ABCA8: variants seen among roughly 807,000 people sequenced by gnomAD.
The protein encoded by ABCA8 is ABC-type organic anion transporter ABCA8.
A neutral mutation model predicts 192.3 loss-of-function variants in ABCA8; 177 were observed. That is an observed-to-expected ratio of 0.92 (90% CI 0.81 to 1.04). The LOEUF is 1.04. Among genes scored for constraint, ABCA8 ranks in the 50% least tolerant of loss-of-function variants. The probability of loss-of-function intolerance (pLI) is 0.00; values close to 1 mark genes in which losing one functional copy is unlikely to be tolerated. For synonymous variants in ABCA8, 642 were observed against 690.2 expected (o/e 0.93, Z 1.09); for missense variants, 1,915 against 1,904.8 (o/e 1.01, Z -0.10).
In ABCA8 at chr17:68,922,304, A is replaced by C; in HGVS notation, c.1443-4T>G. The C allele has an allele frequency of 7.7e-7, 1 of 1,300,250 alleles. No individual in the cohort carries two copies. Among genetic ancestry groups the C allele is most frequent in the Non-Finnish European group, 1.0e-6 (1 of 972,230 alleles). The allele number at this position is 1,300,250 out of a possible 1,614,324, so 80.5% of individuals were successfully genotyped here. ...TTCTTTTGTAACATTTCTGATTCTG[A>C]AAAAAAGAAAAGATACTTCAAAGTG... On this transcript the variant is annotated splice_polypyrimidine_tract_variant and splice_region_variant and intron_variant, in intron 11 of 39. Transcript: ENST00000586539.
intron 21 of ABCA8, among the ~76,000 whole-genome samples, chr17:68,900,283 C>G (rs1355776145): frequency 2.6e-5 from 4 of 151,730 alleles, no homozygotes; most frequent in African/African-American, 9.7e-5. Flanking sequence ...ACCAGTCTTA[C>G]AGATTAAAAG....
rs1178653041 is a variant in ABCA8 at position 68,937,183 on chromosome 17, T to C, written c.302-68A>G. ...GAGACACAACTTCAGGATGTCATGT[T>C]GAATTGCTTTTACTAGAGTTTTCTA... On this transcript the variant is annotated intron_variant, in intron 4 of 39. Coordinates refer to ENST00000586539, the MANE Select transcript of ABCA8 (RefSeq NM_001288985.2). 3 of 1,329,578 alleles carry C rather than the reference T, an allele frequency of 2.3e-6. No homozygotes were observed. In the Admixed American group the frequency reaches 7.8e-5, roughly 35 times the overall value. 82.4% of individuals were successfully genotyped at this position (1,329,578 alleles called of 1,614,324 possible). A position where few individuals can be genotyped will look rare whatever the true frequency, so the allele number is the denominator to read the frequency against.
At chr17:68,898,738 A>C (rs753277636) in intron 21 of ABCA8, among the ~76,000 whole-genome samples, 17 of 152,278 alleles carry the variant, frequency 1.1e-4, no homozygotes, top group Non-Finnish European at 2.2e-4. Flanking sequence ...AGGACATCAC[A>C]TAAGATGATA....
At position 68,924,756 on chromosome 17, in the gene ABCA8, A is replaced by C; in HGVS notation, c.1387T>G (p.Phe463Val). ...GGCGCTTGTTCAAAAGAGTCATGAA[A>C]TGAAGGATCGGCATCCATTTCATCT... ...LEDEMDADPS[F>V]HDSFEQAPPE... is the part of the protein sequence containing the mutation. Residue 463 changes from phenylalanine (F) to valine (V), a missense_variant, in exon 11 of 40, where the codon TTT becomes GTT. Coordinates refer to ENST00000586539, the MANE Select transcript of ABCA8 (RefSeq NM_001288985.2). The C allele has an allele frequency of 1.2e-6, 2 of 1,614,130 alleles. No homozygotes were observed. Among genetic ancestry groups the C allele is most frequent in the Non-Finnish European group, 1.7e-6 (2 of 1,179,990 alleles).
chr17:68,918,235 T>C (rs754765566), intron 15 of ABCA8, 50 bp from the exon 16 acceptor site: 32 of 1,606,810 alleles, frequency 2.0e-5, no homozygotes, highest in Non-Finnish European at 2.5e-5. Context: ...GGTGAAGTTC[T>C]TCCAGAAAAC....
chr17:68,921,523 T>G, intron 12 of ABCA8, 31 bp from the exon 13 acceptor site: 1 of 1,429,816 alleles, frequency 7.0e-7, no homozygotes, highest in Non-Finnish European at 9.8e-7. Flanking sequence ...GAAAGAAAGA[T>G]AAGATAAAGG....
Position 68,883,877 on chromosome 17 carries a change from G to A in ABCA8, c.3621C>T (p.Phe1207=). The A allele has an allele frequency of 6.4e-7, 1 of 1,557,178 alleles. No homozygotes were observed. The highest frequency in any genetic ancestry group is 2.3e-5 in the East Asian group (1 of 43,992). ...TAAAAAGAAAAATGATAAAATGAAG[G>A]AAAGGCTAGGAATAAAGAGAGATGC... ...VQPFLVFLIP[F]LHFIIFLFTL... is the part of the protein sequence containing the mutation. Residue 1207 remains phenylalanine (F), a synonymous_variant, in exon 29 of 40, where the codon TTC becomes TTT. Transcript: ENST00000586539.
At chr17:68,917,811 A>G (rs1308678522) in intron 16 of ABCA8, among the ~76,000 whole-genome samples, 4 of 152,350 alleles carry the variant, frequency 2.6e-5, no homozygotes, top group East Asian at 3.9e-4. Flanking sequence ...TTATTTTGCA[A>G]TAAGCGAGTT....
chr17:68,937,085 T>C lies in ABCA8; in HGVS notation c.332A>G (p.Glu111Gly). ...GKEVLGLPDE[E>G]SIKEFTANYP... ...ATTTGCTGTGAATTCTTTAATACTT[T>C]CCTCATCTGGCAGTCCCAAGACCTC... is the stretch of plus-strand genomic sequence containing the variant. The change falls in exon 5 of 40, where the codon GAA becomes GGA. Residue 111 changes from glutamate to glycine, a missense_variant. Coordinates refer to ENST00000586539, the MANE Select transcript of ABCA8 (RefSeq NM_001288985.2). 6.2e-7 allele frequency: 1 copy of C among 1,608,590 alleles called. No individual in the cohort carries two copies. The highest frequency in any genetic ancestry group is 8.5e-7 in the Non-Finnish European group (1 of 1,177,906).
intron 3 of ABCA8, 68 bp from the exon 4 acceptor site, chr17:68,941,030 C>A: frequency 7.7e-7 from 1 of 1,305,858 alleles, no homozygotes; most frequent in Non-Finnish European, 1.1e-6. Flanking sequence ...ATCATTTTGT[C>A]ATAAAGTTTG....
intron 33 of ABCA8, among the ~76,000 whole-genome samples, chr17:68,876,906 C>T (rs1297925526): frequency 6.6e-6 from 1 of 152,166 alleles, no homozygotes; most frequent in Non-Finnish European, 1.5e-5. Flanking sequence ...AATAGAAGGA[C>T]ATGACATGAT....
At chr17:68,920,288 A>G (rs1171185790) in intron 13 of ABCA8, among the ~76,000 whole-genome samples, 1 of 152,162 alleles carries the variant, frequency 6.6e-6, no homozygotes, top group African/African-American at 2.4e-5. Context: ...AGCAGAAAAG[A>G]TAACTATTGG....
chr17:68,932,388 A>AT lies in ABCA8; in HGVS notation c.696dup (p.Phe233IlefsTer11), dbSNP rs1489136228. 1 of 1,613,992 alleles carries AT rather than the reference A, an allele frequency of 6.2e-7. No homozygotes were observed. Among genetic ancestry groups the AT allele is most frequent in the Non-Finnish European group, 8.5e-7 (1 of 1,179,864 alleles). On this transcript the variant is annotated frameshift_variant, in exon 7 of 40. Coordinates refer to ENST00000586539, the MANE Select transcript of ABCA8 (RefSeq NM_001288985.2). LOFTEE classifies it high-confidence loss of function. The stretch of plus-strand genomic sequence containing the variant: ...GATGCATAGTAAATGAATGAGGAAA[A>AT]TGAAATAATGCAGGAAAAAAGGTAC...
chr17:68,913,336 A>G (rs1475862382), intron 17 of ABCA8, among the ~76,000 whole-genome samples: 1 of 152,072 alleles, frequency 6.6e-6, no homozygotes, highest in African/African-American at 2.4e-5. Flanking sequence ...ACTTCTTAAA[A>G]ACTAGAGAAG....
chr17:68,921,453 A>G lies in ABCA8; in HGVS notation c.1541T>C (p.Ile514Thr). 1.2e-6 allele frequency: 2 copies of G among 1,609,528 alleles called. No individual in the cohort carries two copies. Among genetic ancestry groups the G allele is most frequent in the Non-Finnish European group, 1.7e-6 (2 of 1,177,004 alleles). Reference protein sequence around the residue: ...FDIYEGQITAILGHSGAGKST... With the variant: ...FDIYEGQITATLGHSGAGKST... ...CTTTCCAGCTCCACTGTGACCAAGT[A>G]TTGCAGTGATTTGGCCTTCGTAAAT... is the stretch of plus-strand genomic sequence containing the variant. The change falls in exon 13 of 40, where the codon ATA becomes ACA. Residue 514 changes from isoleucine (I) to threonine (T), a missense_variant. Physicochemically the swap from Ile to Thr is moderately conservative, Grantham distance 89. Transcript: ENST00000586539.
At chr17:68,880,190 T>C (rs954919326) in intron 32 of ABCA8, 2 of 152,318 alleles carry the variant, frequency 1.3e-5, no homozygotes, top group African/African-American at 4.8e-5. Flanking sequence ...CTCAGCCAGA[T>C]TCACACAGAC....
At chr17:68,900,363 G>A (rs925009316) in intron 21 of ABCA8, among the ~76,000 whole-genome samples, 4 of 151,880 alleles carry the variant, frequency 2.6e-5, no homozygotes, top group Non-Finnish European at 5.9e-5. Context: ...TTCCTGGAAA[G>A]ACAGAAACTA....
At position 68,902,791 on chromosome 17, in the gene ABCA8, A is replaced by G. The variant is rs1478680640; in HGVS notation, c.2686T>C (p.Ser896Pro). ...IYQNSYTWELSPHLYFLAPGQ... is the reference protein window; with the variant it reads ...IYQNSYTWELPPHLYFLAPGQ... Reference sequence around the variant, plus strand: ...GGAGCAAGGAAATACAAATGAGGAGAAAGTTCCCAGGTGTAACTGTTTTGA... The same window carrying G: ...GGAGCAAGGAAATACAAATGAGGAGGAAGTTCCCAGGTGTAACTGTTTTGA... The change falls in exon 21 of 40, where the codon TCT (serine) becomes CCT (proline). Residue 896 changes from serine (S) to proline (P), a missense_variant. Coordinates refer to ENST00000586539, the MANE Select transcript of ABCA8 (RefSeq NM_001288985.2). 3 of 1,613,696 alleles carry G rather than the reference A, an allele frequency of 1.9e-6. No homozygotes were observed. The highest frequency in any genetic ancestry group is 1.3e-5 in the African/African-American group (1 of 74,898).
intron 12 of ABCA8, 22 bp downstream of exon 12, chr17:68,922,192 CTCTTTTTTTTTTTTTTTTTTTTTTTTTT>C (rs1185225372): frequency 1.3e-5 from 6 of 477,756 alleles, no homozygotes; most frequent in East Asian, 1.1e-4. Context: ...CTTTCTCTCT[CTCTTTTTTTTTTTTTTTTTTTTTTTTTT>C]TTTTTTTTTT....
Sources: gnomAD v4.1 joint callset for allele counts (sites outside exome capture counted in the v4.1 genomes callset) on GRCh38, gnomAD v4.1.1 for gene constraint, MANE v1.5 for transcripts, NCBI Gene and HGNC (gene_info 2026-07-23, HGNC 2026-07-21) for gene names.